Variants in TMEM238L observed in about 807,000 individuals in gnomAD.
TMEM238L encodes transmembrane protein 238-like.
intron 1 of TMEM238L, among the ~76,000 whole-genome samples, chr17:10,799,906 A>T (rs1904680039): frequency 6.7e-6 from 1 of 150,074 alleles, no homozygotes; most frequent in East Asian, 2.0e-4. Context: ...GGCAGAACAC[A>T]GTTTGAAACC....
intron 1 of TMEM238L, 135 bp downstream of exon 1, chr17:10,803,471 G>A: frequency 6.0e-6 from 2 of 334,724 alleles, no homozygotes. Context: ...CAGGACCTGA[G>A]GCCAGGGCCA....
chr17:10,802,234 G>A (rs1461319860), intron 1 of TMEM238L, among the ~76,000 whole-genome samples: 2 of 152,150 alleles, frequency 1.3e-5, no homozygotes, highest in Non-Finnish European at 2.9e-5. Context: ...AGACACCAAG[G>A]TACTTCACAT....
chr17:10,803,833 C>T lies in TMEM238L; in HGVS notation c.131G>A (p.Trp44Ter). Reference sequence around the variant, plus strand: ...GGCACCTGTGTAGATGAAGAAGTCCCAGGAACTCAGGGGGGCCAAGATCCC... The same window carrying T: ...GGCACCTGTGTAGATGAAGAAGTCCTAGGAACTCAGGGGGGCCAAGATCCC... The change falls in exon 1 of 2, where the codon TGG (tryptophan) becomes TAG (stop). Residue 44 changes from tryptophan to a stop codon, truncating the protein, a stop_gained. Coordinates refer to ENST00000581851, the Ensembl canonical transcript of TMEM238L. LOFTEE classifies it high-confidence loss of function. 1 of 399,666 alleles carries T rather than the reference C, an allele frequency of 2.5e-6. No individual in the cohort carries two copies. The highest frequency in any genetic ancestry group is 4.4e-6 in the Non-Finnish European group (1 of 226,558). The allele number at this position is 399,666 out of a possible 1,614,324, so 24.8% of individuals were successfully genotyped here. A position where few individuals can be genotyped will look rare whatever the true frequency, so the allele number is the denominator to read the frequency against.
intron 1 of TMEM238L, among the ~76,000 whole-genome samples, chr17:10,798,803 T>C (rs1904640478): frequency 6.6e-6 from 1 of 151,896 alleles, no homozygotes; most frequent in Non-Finnish European, 1.5e-5. Context: ...TGTGTGTGTA[T>C]TGTTTGGGTG....
At chr17:10,801,660 C>T (rs1427487602) in intron 1 of TMEM238L, among the ~76,000 whole-genome samples, 2 of 152,166 alleles carry the variant, frequency 1.3e-5, no homozygotes, top group Non-Finnish European at 2.9e-5. Flanking sequence ...CAGGATGCTC[C>T]TCTCCTTCCT....
At chr17:10,799,600 T>C (rs1468794545) in intron 1 of TMEM238L, among the ~76,000 whole-genome samples, 1 of 152,178 alleles carries the variant, frequency 6.6e-6, no homozygotes, top group Non-Finnish European at 1.5e-5. Context: ...GCTCTGAGAA[T>C]GAGAGAGCTG....
At chr17:10,795,478 A>T (rs1291008585) in exon 2 of TMEM238L, 1 of 152,294 alleles carries the variant, frequency 6.6e-6, no homozygotes, top group Non-Finnish European at 1.5e-5. Flanking sequence ...GGGTAGATAC[A>T]GTGGAACCCT....
At chr17:10,797,749 C>G (rs948224382) in intron 1 of TMEM238L, 1 of 152,142 alleles carries the variant, frequency 6.6e-6, no homozygotes, top group African/African-American at 2.4e-5. Flanking sequence ...CTCATGCAGT[C>G]TCTGCTCTTC....
At chr17:10,800,338 G>A (rs893130756) in intron 1 of TMEM238L, among the ~76,000 whole-genome samples, 1 of 152,180 alleles carries the variant, frequency 6.6e-6, no homozygotes, top group Non-Finnish European at 1.5e-5. Flanking sequence ...TGAACAGCAG[G>A]ACTCAGCACA....
At chr17:10,801,472 C>A (rs1021828926) in intron 1 of TMEM238L, among the ~76,000 whole-genome samples, 1 of 152,190 alleles carries the variant, frequency 6.6e-6, no homozygotes, top group Non-Finnish European at 1.5e-5. Flanking sequence ...CTTCAATCTC[C>A]CTGTCGTCTT....
At chr17:10,797,050 G>C (rs1166757893) in intron 1 of TMEM238L, among the ~76,000 whole-genome samples, 1 of 152,128 alleles carries the variant, frequency 6.6e-6, no homozygotes, top group Non-Finnish European at 1.5e-5. Context: ...CAGGAGGTGG[G>C]CCAGATTTGG....
At chr17:10,800,619 C>G (rs921840835) in intron 1 of TMEM238L, among the ~76,000 whole-genome samples, 1 of 152,172 alleles carries the variant, frequency 6.6e-6, no homozygotes, top group African/African-American at 2.4e-5. Flanking sequence ...TCATCACTTG[C>G]ATAGTGCTGA....
intron 1 of TMEM238L, among the ~76,000 whole-genome samples, chr17:10,803,053 G>T (rs1358736580): frequency 2.0e-5 from 3 of 152,084 alleles, no homozygotes; most frequent in African/African-American, 7.2e-5. Flanking sequence ...GCATGGAGGC[G>T]AGTAGTCCCT....
intron 1 of TMEM238L, among the ~76,000 whole-genome samples, chr17:10,797,101 A>C (rs1404668458): frequency 6.6e-6 from 1 of 152,178 alleles, no homozygotes; most frequent in East Asian, 1.9e-4. Context: ...TTATGGAAAG[A>C]GCATAAACCA....
intron 1 of TMEM238L, among the ~76,000 whole-genome samples, chr17:10,796,553 A>AC (rs1301380196): frequency 3.9e-5 from 6 of 152,168 alleles, no homozygotes; most frequent in Non-Finnish European, 7.4e-5. Context: ...ATCTTCAGCC[A>AC]CCCGATAAGT....
chr17:10,798,483 C>A (rs1904628010), intron 1 of TMEM238L, among the ~76,000 whole-genome samples: 1 of 152,178 alleles, frequency 6.6e-6, no homozygotes, highest in South Asian at 2.1e-4. Context: ...CCACTGGCCT[C>A]CTCTGTGGGC....
intron 1 of TMEM238L, among the ~76,000 whole-genome samples, chr17:10,800,243 CT>C (rs200559564): frequency 0.011 from 1,709 of 151,946 alleles, 32 homozygotes; most frequent in African/African-American, 0.035. Context: ...GAAACCACAT[CT>C]TTAACTCTAA....
chr17:10,803,978 G>T, exon 1 of TMEM238L: 1 of 399,104 alleles, frequency 2.5e-6, no homozygotes, highest in Admixed American at 4.4e-5. Context: ...CAGGAGGAGC[G>T]GGAGGAGCCC....
chr17:10,795,828 T>G (rs1904523599), exon 2 of TMEM238L: 1 of 152,244 alleles, frequency 6.6e-6, no homozygotes, highest in Non-Finnish European at 1.5e-5. Flanking sequence ...TTCTCGGACA[T>G]CCTCGTGAGT....
Sources: gnomAD v4.1 joint callset for allele counts (sites outside exome capture counted in the v4.1 genomes callset) on GRCh38, gnomAD v4.1.1 for gene constraint, MANE v1.5 for transcripts, NCBI Gene and HGNC (gene_info 2026-07-23, HGNC 2026-07-21) for gene names.